VPS33B: variants seen among roughly 807,000 people sequenced by gnomAD.
VPS33B encodes the protein vacuolar protein sorting-associated protein 33B.
VPS33B carries 80 observed loss-of-function variants against 95.3 expected under a neutral mutation model. That is an observed-to-expected ratio of 0.84 (90% CI 0.70 to 1.01). The LOEUF is 1.01. VPS33B is among the 50% of genes least tolerant of loss of function. The pLI, the probability that VPS33B is intolerant of heterozygous loss-of-function variation, is 0.00. For missense variants in VPS33B, 715 were observed against 773.4 expected (o/e 0.92, Z 0.90); for synonymous variants, 280 against 280.4 (o/e 1.00, Z 0.01).
In VPS33B at chr15:91,007,531, G is replaced by C. The variant is rs753585993; in HGVS notation, c.541C>G (p.His181Asp). 6.2e-7 allele frequency: 1 copy of C among 1,614,234 alleles called. No homozygotes were observed. The highest frequency in any genetic ancestry group is 2.2e-5 in the East Asian group (1 of 44,880). The stretch of plus-strand genomic sequence containing the variant: ...GGTCCATAGAGAGTGCTGAGAAGGT[G>C]TAAGGCCTGAGCTACAGTGTTGATC... ...RWINTVAQAL[H>D]LLSTLYGPFP... The change falls in exon 8 of 23, where the codon CAC becomes GAC. Residue 181 changes from histidine (H) to aspartate (D), a missense_variant. By Grantham distance (81) the His-to-Asp change is moderately conservative. Coordinates refer to ENST00000333371, the MANE Select transcript of VPS33B (RefSeq NM_018668.5). The surrounding 1 kb of genome is among the most constrained non-coding windows in gnomAD (Gnocchi z 5.3).
Position 91,007,660 on chromosome 15 carries a change from G to A in VPS33B, c.499-87C>T. ...GCTAGCCCTAGAAGCCCTGGAGCAG[G>A]GTGGCAGGGCCTGGGGGATGCTTGA... On this transcript the variant is annotated intron_variant, in intron 7 of 22. Transcript: ENST00000333371. The surrounding 1 kb of genome is among the most constrained non-coding windows in gnomAD (Gnocchi z 5.3). 1 of 1,439,970 alleles carries A rather than the reference G, an allele frequency of 6.9e-7. No individual in the cohort carries two copies. Among genetic ancestry groups the A allele is most frequent in the Middle Eastern group, 1.8e-4 (1 of 5,702 alleles). The allele number at this position is 1,439,970 out of a possible 1,614,324, so 89.2% of individuals were successfully genotyped here.
intron 19 of VPS33B, among the ~76,000 whole-genome samples, 180 bp downstream of exon 19, chr15:91,001,209 C>G (rs1669375824): frequency 6.6e-6 from 1 of 150,966 alleles, no homozygotes; most frequent in African/African-American, 2.4e-5. Context: ...CCTTGGGAGG[C>G]TGAGGCAGGA....
At position 91,015,181 on chromosome 15, in the gene VPS33B, C is replaced by T. The variant is rs2040888251; in HGVS notation, c.240-748G>A. Among the ~76,000 whole-genome samples the T allele has an allele frequency of 6.7e-6, 1 of 150,148 alleles. No individual in the cohort carries two copies. The highest frequency in any genetic ancestry group is 1.5e-5 in the Non-Finnish European group (1 of 67,528). ...TGAAACCCCGTCTCTACTAAAAATA[C>T]AAAAATTGGCTGGGCATGGTGGCGC... On this transcript the variant is annotated intron_variant, in intron 3 of 22. Coordinates refer to ENST00000333371, the MANE Select transcript of VPS33B (RefSeq NM_018668.5). The surrounding 1 kb of genome is among the most constrained non-coding windows in gnomAD (Gnocchi z 4.7).
chr15:91,013,812 G>A lies in VPS33B; in HGVS notation c.349C>T (p.Pro117Ser). The A allele has an allele frequency of 8.7e-6, 14 of 1,614,084 alleles. No homozygotes were observed. The highest frequency in any genetic ancestry group is 1.2e-5 in the Non-Finnish European group (14 of 1,180,022). ...RTRKYKVIFS[P>S]QKFYACEMVL... ...CCAGGATCCAAACTCACCTTTTGAG[G>A]GCTGAAGATCACTTTGTATTTGCGA... The change falls in exon 5 of 23, where the codon CCT becomes TCT. Residue 117 changes from proline (P) to serine (S), a missense_variant. Coordinates refer to ENST00000333371, the MANE Select transcript of VPS33B (RefSeq NM_018668.5). The surrounding 1 kb of genome is among the most constrained non-coding windows in gnomAD (Gnocchi z 4.5).
At chr15:91,016,112 G>A (rs533868840) in intron 3 of VPS33B, among the ~76,000 whole-genome samples, 4 of 152,300 alleles carry the variant, frequency 2.6e-5, no homozygotes, top group Non-Finnish European at 4.4e-5. Context: ...CATGGAGGAG[G>A]TGGCCGGGCT....
chr15:91,016,378 T>C (rs74524996), intron 3 of VPS33B, among the ~76,000 whole-genome samples: 48 of 113,718 alleles, frequency 4.2e-4, no homozygotes, highest in South Asian at 6.7e-4. Context: ...GATTCTTCTT[T>C]TTTTTTTTTT....
At chr15:91,014,333 G>T (rs780569563) in intron 4 of VPS33B, 51 bp downstream of exon 4, 1 of 1,599,240 alleles carries the variant, frequency 6.3e-7, no homozygotes, top group Non-Finnish European at 8.6e-7. Flanking sequence ...AAGGCCCTTA[G>T]ATTTTGCCCG....
In VPS33B at chr15:91,018,306, G is replaced by A. The variant is rs1476254385; in HGVS notation, c.97-421C>T. ...CTAAGTACAAAATAAAATAGCACAC[G>A]TTCACTGCAGAAAACTTAGCAAACC... On this transcript the variant is annotated intron_variant, in intron 1 of 22. Coordinates refer to ENST00000333371, the MANE Select transcript of VPS33B (RefSeq NM_018668.5). The surrounding 1 kb of genome is among the most constrained non-coding windows in gnomAD (Gnocchi z 4.7). Among the ~76,000 whole-genome samples the A allele has an allele frequency of 1.3e-5, 2 of 152,034 alleles. No individual in the cohort carries two copies. The highest frequency in any genetic ancestry group is 1.9e-4 in the East Asian group (1 of 5,194).
At chr15:91,017,400 A>ATATATATATATC (rs2040970251) in intron 2 of VPS33B, among the ~76,000 whole-genome samples, 1 of 98,550 alleles carries the variant, frequency 1.0e-5, no homozygotes. Context: ...ATATATATAT[A>ATATATATATATC]TATATATATA....
rs757848552 is a variant in VPS33B, at chr15:91,007,918, CACATCAAGAG to C, written c.440_449del (p.Pro147ArgfsTer4). ...CTGGTAGTTCCATGCTCAGCAGATC[CACATCAAGAG>C]GCAGCAAAGAGAAGGCCCATTCATC... On this transcript the variant is annotated frameshift_variant, in exon 7 of 23. Coordinates refer to ENST00000333371, the MANE Select transcript of VPS33B (RefSeq NM_018668.5). LOFTEE classifies it high-confidence loss of function. The surrounding 1 kb of genome is among the most constrained non-coding windows in gnomAD (Gnocchi z 5.3). The C allele has an allele frequency of 5.0e-6, 8 of 1,614,028 alleles. No homozygotes were observed. The highest frequency in any genetic ancestry group is 1.7e-5 in the Admixed American group (1 of 59,980).
Position 91,007,661 on chromosome 15 carries a change from G to C in VPS33B, c.499-88C>G, listed in dbSNP as rs1474615247. The C allele has an allele frequency of 2.4e-5, 34 of 1,441,104 alleles. No homozygotes were observed. Among genetic ancestry groups the C allele is most frequent in the Non-Finnish European group, 1.9e-5 (19 of 1,024,746 alleles). The allele number at this position is 1,441,104 out of a possible 1,614,324, so 89.3% of individuals were successfully genotyped here. A position where few individuals can be genotyped will look rare whatever the true frequency, so the allele number is the denominator to read the frequency against. ...CTAGCCCTAGAAGCCCTGGAGCAGGGTGGCAGGGCCTGGGGGATGCTTGAA... is the reference window on the plus strand; with the variant it reads ...CTAGCCCTAGAAGCCCTGGAGCAGGCTGGCAGGGCCTGGGGGATGCTTGAA... On this transcript the variant is annotated intron_variant, in intron 7 of 22. Transcript: ENST00000333371. The surrounding 1 kb of genome is among the most constrained non-coding windows in gnomAD (Gnocchi z 5.3).
At chr15:91,012,848 C>T (rs565782151) in intron 5 of VPS33B, among the ~76,000 whole-genome samples, 3 of 152,368 alleles carry the variant, frequency 2.0e-5, no homozygotes, top group South Asian at 2.1e-4. Flanking sequence ...AAGAGCTCTA[C>T]TCTGGCTGTG....
At position 91,013,898 on chromosome 15, in the gene VPS33B, C is replaced by A. The variant is rs1405242926; in HGVS notation, c.290-27G>T. The A allele has an allele frequency of 5.0e-6, 8 of 1,613,496 alleles. No individual in the cohort carries two copies. Among genetic ancestry groups the A allele is most frequent in the Non-Finnish European group, 6.8e-6 (8 of 1,179,588 alleles). ...TACAGAGAGAAGGAATGCAGCCCAG[C>A]AAGTCATGGGCCATCTGTTATGCTA... is the stretch of plus-strand genomic sequence containing the variant. On this transcript the variant is annotated intron_variant, in intron 4 of 22. Coordinates refer to ENST00000333371, the MANE Select transcript of VPS33B (RefSeq NM_018668.5). The surrounding 1 kb of genome is among the most constrained non-coding windows in gnomAD (Gnocchi z 4.5).
At position 91,017,142 on chromosome 15, in the gene VPS33B, C is replaced by T. The variant is rs577068682; in HGVS notation, c.178-118G>A. On this transcript the variant is annotated intron_variant, in intron 2 of 22. Transcript: ENST00000333371. The stretch of plus-strand genomic sequence containing the variant: ...AATTATGCTAATTATTGAGGGCTTC[C>T]TAATTATGCTAATTATGCTCCCCTG... 32 of 831,884 alleles carry T rather than the reference C, an allele frequency of 3.8e-5. No homozygotes were observed. In the East Asian group the frequency reaches 7.9e-4, roughly 21 times the overall value. The allele number at this position is 831,884 out of a possible 1,614,324, so 51.5% of individuals were successfully genotyped here. A position where few individuals can be genotyped will look rare whatever the true frequency, so the allele number is the denominator to read the frequency against.
chr15:90,999,737 A>C lies in VPS33B; in HGVS notation c.1714T>G (p.Phe572Val), dbSNP rs145092724. The change falls in exon 22 of 23, where the codon TTC becomes GTC. Residue 572 changes from phenylalanine to valine, a missense_variant. Transcript: ENST00000333371. This position sits in a 1 kb window ranked among gnomAD's most constrained non-coding sequence, Gnocchi z 5.1. ...SESLRLILVV[F>V]LGGCTFSEIS... ...TCAGAGAATGTACAACCACCCAAGA[A>C]CACCACCAAGATGAGGCGCAGGGAC... is the stretch of plus-strand genomic sequence containing the variant. 227 of 1,614,044 alleles carry C rather than the reference A, an allele frequency of 1.4e-4. No individual in the cohort carries two copies. The African/African-American group carries it at 2.7e-3, about 19-fold the overall frequency.
chr15:91,002,992 GC>G lies in VPS33B; in HGVS notation c.1272+92del. On this transcript the variant is annotated intron_variant, in intron 17 of 22. Transcript: ENST00000333371. The surrounding 1 kb of genome is among the most constrained non-coding windows in gnomAD (Gnocchi z 4.7). The stretch of plus-strand genomic sequence containing the variant: ...GAATGGAAACAGGAGGGTAATGGAG[GC>G]AGGAAAGGGGCCACTTCTCTTGCCT... 1 of 1,365,398 alleles carries G rather than the reference GC, an allele frequency of 7.3e-7. No homozygotes were observed. The highest frequency in any genetic ancestry group is 1.0e-6 in the Non-Finnish European group (1 of 953,686). 84.6% of individuals were successfully genotyped at this position (1,365,398 alleles called of 1,614,324 possible).
chr15:91,020,179 GTTTTC>G (rs892875120), intron 1 of VPS33B, among the ~76,000 whole-genome samples: 21 of 152,118 alleles, frequency 1.4e-4, no homozygotes, highest in African/African-American at 1.4e-4. Context: ...GCTATAAGTA[GTTTTC>G]TTTTCCTTTT....
At chr15:91,001,908 A>G in intron 18 of VPS33B, 142 bp downstream of exon 18, 1 of 1,334,770 alleles carries the variant, frequency 7.5e-7, no homozygotes. Flanking sequence ...TACTAGCAGA[A>G]GTAGTAGTAA....
At position 91,022,435 on chromosome 15, in the gene VPS33B, A is replaced by C. The variant is rs888314595; in HGVS notation, c.-186T>G. The C allele has an allele frequency of 5.3e-6, 3 of 570,936 alleles. No individual in the cohort carries two copies. Among genetic ancestry groups the C allele is most frequent in the Non-Finnish European group, 9.3e-6 (3 of 322,896 alleles). 35.4% of individuals were successfully genotyped at this position (570,936 alleles called of 1,614,324 possible). A position where few individuals can be genotyped will look rare whatever the true frequency, so the allele number is the denominator to read the frequency against. ...ATGGCCACCTCCAGGCAAGAGAGCT[A>C]CTACCTCGGAGCAGCCTTGTCTCAG... On this transcript the variant is annotated 5_prime_UTR_variant, in exon 1 of 23. Transcript: ENST00000333371.
Sources: gnomAD v4.1 joint callset for allele counts (sites outside exome capture counted in the v4.1 genomes callset) on GRCh38, gnomAD v4.1.1 for gene constraint, Gnocchi (gnomAD v3.1) non-coding constraint, MANE v1.5 for transcripts, NCBI Gene and HGNC (gene_info 2026-07-23, HGNC 2026-07-21) for gene names.